The following KSR2 variants were observed in gnomAD, a reference collection of about 807,000 sequenced individuals.
The protein encoded by KSR2 is kinase suppressor of ras 2.
Under a neutral mutation model 107.8 loss-of-function variants are expected in KSR2, and 25 were observed. The ratio of observed to expected loss-of-function variants is 0.23; its 90% CI spans 0.17 to 0.32. The LOEUF is 0.32. KSR2 is among the 10% of genes least tolerant of loss of function. The pLI is 1.00. For missense variants in KSR2, 887 were observed against 1,268.9 expected (o/e 0.70, Z 4.57); for synonymous variants, 480 against 507.0 (o/e 0.95, Z 0.71).
At chr12:117,770,299 C>T (rs751669034) in intron 3 of KSR2, among the ~76,000 whole-genome samples, 1 of 152,112 alleles carries the variant, frequency 6.6e-6, no homozygotes, top group African/African-American at 2.4e-5. Context: ...CAGAGGAGAA[C>T]GTCATGTGAA....
intron 4 of KSR2, 80 bp downstream of exon 4, chr12:117,760,931 T>C: frequency 1.9e-6 from 3 of 1,565,600 alleles, no homozygotes; most frequent in Admixed American, 1.9e-5. Context: ...TTCCTTGACC[T>C]GGGCAGTTCC....
chr12:117,610,926 C>T (rs916062765), intron 5 of KSR2, among the ~76,000 whole-genome samples: 4 of 152,048 alleles, frequency 2.6e-5, no homozygotes, highest in Non-Finnish European at 5.9e-5. Context: ...AGTGAAACTA[C>T]TTCTGCAATA....
chr12:117,889,960 TCAAACTTGAG>T (rs1894290993), intron 1 of KSR2, among the ~76,000 whole-genome samples: 1 of 152,170 alleles, frequency 6.6e-6, no homozygotes, highest in South Asian at 2.1e-4. Context: ...CTAAGAGTCC[TCAAACTTGAG>T]CATGCATTAG....
At chr12:117,510,742 G>C (rs1873971475) in intron 14 of KSR2, among the ~76,000 whole-genome samples, 2 of 152,212 alleles carry the variant, frequency 1.3e-5, no homozygotes, top group South Asian at 4.1e-4. Flanking sequence ...GCCAGGCATG[G>C]TGGCATGTGC....
chr12:117,622,865 A>C (rs1187993193), intron 5 of KSR2, among the ~76,000 whole-genome samples: 1 of 152,236 alleles, frequency 6.6e-6, no homozygotes, highest in Admixed American at 6.5e-5. Flanking sequence ...AAATATAAGA[A>C]GAAAGCATGA....
intron 5 of KSR2, among the ~76,000 whole-genome samples, chr12:117,655,571 C>T (rs929871337): frequency 2.0e-5 from 3 of 152,164 alleles, no homozygotes; most frequent in Non-Finnish European, 2.9e-5. Context: ...CACCATCACC[C>T]CTAGTGATCC....
chr12:117,469,928 T>TCCATCCATCCATCCA (rs1555269724), intron 18 of KSR2, 133 bp from the exon 19 acceptor site: 1 of 751,794 alleles, frequency 1.3e-6, no homozygotes, highest in Non-Finnish European at 2.1e-6. Flanking sequence ...CATTCATCCA[T>TCCATCCATCCATCCA]CCATCCATCC....
At chr12:117,903,676 A>C (rs970449080) in intron 1 of KSR2, among the ~76,000 whole-genome samples, 23 of 152,198 alleles carry the variant, frequency 1.5e-4, no homozygotes, top group Non-Finnish European at 2.8e-4. Context: ...CTATTTAAAG[A>C]AGCAGCATAT....
chr12:117,537,775 G>A (rs1311108985), intron 10 of KSR2, among the ~76,000 whole-genome samples: 6 of 152,210 alleles, frequency 3.9e-5, no homozygotes, highest in African/African-American at 1.2e-4. Context: ...AAGGTGGCAC[G>A]CTAGAACAGC....
intron 1 of KSR2, among the ~76,000 whole-genome samples, chr12:117,950,929 T>A (rs932088788): frequency 4.6e-5 from 7 of 151,836 alleles, no homozygotes; most frequent in South Asian, 2.1e-4. Context: ...TTATTTATTT[T>A]TTGAGATGGA....
chr12:117,870,870 G>C (rs1893627160), intron 1 of KSR2, among the ~76,000 whole-genome samples: 1 of 152,172 alleles, frequency 6.6e-6, no homozygotes, highest in Non-Finnish European at 1.5e-5. Context: ...TGAGGCAAAA[G>C]GGAATGAGAA....
chr12:117,696,962 A>G (rs1468198005), intron 4 of KSR2, among the ~76,000 whole-genome samples: 2 of 152,166 alleles, frequency 1.3e-5, no homozygotes, highest in African/African-American at 4.8e-5. Flanking sequence ...AGAAAATGAC[A>G]TAATTTGTGC....
chr12:117,514,950 C>A (rs1309052398), intron 14 of KSR2, among the ~76,000 whole-genome samples: 2 of 152,198 alleles, frequency 1.3e-5, no homozygotes, highest in Non-Finnish European at 1.5e-5. Context: ...TAAGCCTTTG[C>A]ATATGCTGTC....
intron 11 of KSR2, 83 bp from the exon 12 acceptor site, chr12:117,531,096 AG>A: frequency 8.8e-7 from 1 of 1,140,344 alleles, no homozygotes; most frequent in Non-Finnish European, 1.3e-6. Context: ...GCGACATGGC[AG>A]CCAATTTTTC....
At chr12:117,554,953 A>G (rs1337640704) in intron 9 of KSR2, among the ~76,000 whole-genome samples, 1 of 152,128 alleles carries the variant, frequency 6.6e-6, no homozygotes, top group Non-Finnish European at 1.5e-5. Flanking sequence ...TCATTCCGAC[A>G]TGCCCTCTTT....
rs149803032 is a variant in KSR2, at chr12:117,743,092, G to T, written c.986+17919C>A. Among the ~76,000 whole-genome samples, 465 of 152,348 alleles carry T rather than the reference G, an allele frequency of 3.1e-3. 2 individuals are homozygous for T. Among genetic ancestry groups the T allele is most frequent in the Non-Finnish European group, 5.8e-3 (396 of 68,032 alleles). The stretch of plus-strand genomic sequence containing the variant: ...CCCTGGCAAGAGCATCCGACCTCCA[G>T]CTTCACCAGGCCAAGGGCCTGCTGC... On this transcript the variant is annotated intron_variant, in intron 4 of 19. Transcript: ENST00000339824.
intron 3 of KSR2, among the ~76,000 whole-genome samples, chr12:117,854,190 A>G (rs1425291823): frequency 6.6e-6 from 1 of 151,930 alleles, no homozygotes; most frequent in Non-Finnish European, 1.5e-5. Flanking sequence ...TATTTTTTGT[A>G]GAGACGGGGT....
intron 14 of KSR2, among the ~76,000 whole-genome samples, chr12:117,502,488 G>C (rs909081342): frequency 4.6e-5 from 7 of 152,158 alleles, no homozygotes; most frequent in African/African-American, 1.7e-4. Context: ...GCCTAGGGGT[G>C]GGGAAAGTTG....
intron 5 of KSR2, among the ~76,000 whole-genome samples, chr12:117,660,811 G>T (rs1031098896): frequency 6.6e-6 from 1 of 152,172 alleles, no homozygotes; most frequent in African/African-American, 2.4e-5. Context: ...AGTCCCTTAA[G>T]GCCAACTGCT....
Sources: gnomAD v4.1 joint callset for allele counts (sites outside exome capture counted in the v4.1 genomes callset) on GRCh38, gnomAD v4.1.1 for gene constraint, MANE v1.5 for transcripts, NCBI Gene and HGNC (gene_info 2026-07-23, HGNC 2026-07-21) for gene names.